LIMCH1: variants seen among roughly 807,000 people sequenced by gnomAD.
The protein encoded by LIMCH1 is LIM and calponin homology domains-containing protein 1.
In LIMCH1, 113 loss-of-function variants were observed where a neutral mutation model predicts 176.5. The observed-to-expected ratio is 0.64, with a 90% CI of 0.55 to 0.75. The LOEUF is 0.75. Ranked by LOEUF, LIMCH1 falls within the 30% of genes least tolerant of loss-of-function variation. The pLI is 0.00. For missense variants in LIMCH1, 1,674 were observed against 1,814.9 expected (o/e 0.92, Z 1.41); for synonymous variants, 619 against 645.9 (o/e 0.96, Z 0.63).
At position 41,697,177 on chromosome 4, in the gene LIMCH1, A is replaced by G. The variant is rs781640316; in HGVS notation, c.4396A>G (p.Thr1466Ala). The change falls in exon 32 of 32, where the codon ACA becomes GCA. Residue 1466 changes from threonine (T) to alanine (A), a missense_variant. Around this residue, in one of 3 missense-constraint regions of LIMCH1, gnomAD observed 1,015 missense variants for 1,102.5 expected, o/e 0.92. Coordinates refer to ENST00000503057, the MANE Select transcript of LIMCH1 (RefSeq NM_001330672.2). Reference protein sequence around the residue: ...MRSRSAGQPTTL With the variant: ...MRSRSAGQPTAL ...AATCACAGGTGCCGGGCAGCCTACAACATTGTGACACGGCTTTCAAGCTTC... is the reference window on the plus strand; with the variant it reads ...AATCACAGGTGCCGGGCAGCCTACAGCATTGTGACACGGCTTTCAAGCTTC... 32 of 1,613,494 alleles carry G rather than the reference A, an allele frequency of 2.0e-5. No homozygotes were observed. The highest frequency in any genetic ancestry group is 2.5e-5 in the Non-Finnish European group (30 of 1,179,650).
At chr4:41,372,788 G>A (rs2054171707) in intron 1 of LIMCH1, among the ~76,000 whole-genome samples, 1 of 152,174 alleles carries the variant, frequency 6.6e-6, no homozygotes, top group Admixed American at 6.5e-5. Flanking sequence ...TTTCATCCAG[G>A]AAACCTACAG....
At chr4:41,546,652 G>A (rs1448330784) in intron 1 of LIMCH1, among the ~76,000 whole-genome samples, 1 of 151,836 alleles carries the variant, frequency 6.6e-6, no homozygotes, top group Non-Finnish European at 1.5e-5. Context: ...GTTCCACTTA[G>A]CATGTTATTC....
intron 1 of LIMCH1, among the ~76,000 whole-genome samples, chr4:41,554,503 T>C (rs2080972225): frequency 6.6e-6 from 1 of 152,200 alleles, no homozygotes; most frequent in East Asian, 1.9e-4. Flanking sequence ...AACCTTCCTC[T>C]AGGTGTGGTC....
chr4:41,671,058 TAAAA>T (rs76648075), intron 21 of LIMCH1: 19 of 612,134 alleles, frequency 3.1e-5, no homozygotes, highest in South Asian at 7.5e-5. Flanking sequence ...CCCCTGCCTT[TAAAA>T]AAAAAAAAAA....
chr4:41,590,922 C>T (rs1168545000), intron 1 of LIMCH1, among the ~76,000 whole-genome samples: 1 of 152,186 alleles, frequency 6.6e-6, no homozygotes, highest in East Asian at 1.9e-4. Context: ...AGGAAATCCC[C>T]AAATTCTATT....
At chr4:41,500,377 C>T (rs747223523) in intron 2 of LIMCH1, among the ~76,000 whole-genome samples, 2 of 152,156 alleles carry the variant, frequency 1.3e-5, no homozygotes, top group African/African-American at 4.8e-5. Flanking sequence ...GCTTTTCTCC[C>T]TCCTCTTTTT....
At position 41,396,165 on chromosome 4, in the gene LIMCH1, A is replaced by AT. The variant is rs566715478; in HGVS notation, c.96+35236dup. ...CTCATAGCCAAGAGAAGGATTTAGG[A>AT]TTTTTTTCCTGTGTGAGTTGCATCC... On this transcript the variant is annotated intron_variant, in intron 1 of 26. Coordinates refer to the LIMCH1 transcript ENST00000313860. Among the ~76,000 whole-genome samples, 47 of 151,992 alleles carry AT rather than the reference A, an allele frequency of 3.1e-4. No homozygotes were observed. In the South Asian group the frequency reaches 7.5e-3, roughly 24 times the overall value.
rs1302786157 is a variant in LIMCH1 at position 41,700,018 on chromosome 4, C to A, written c.*2833C>A. On this transcript the variant is annotated 3_prime_UTR_variant, in exon 32 of 32. Coordinates refer to ENST00000503057, the MANE Select transcript of LIMCH1 (RefSeq NM_001330672.2). ...TGCAACAGCTTTTATAGTAAATGTACATTTATAAATAAAATACTCAAATCA... is the reference window on the plus strand; with the variant it reads ...TGCAACAGCTTTTATAGTAAATGTAAATTTATAAATAAAATACTCAAATCA... 6.6e-6 allele frequency: 1 copy of A among 152,114 alleles called. No homozygotes were observed. Among genetic ancestry groups the A allele is most frequent in the Non-Finnish European group, 1.5e-5 (1 of 68,012 alleles). 9.4% of individuals were successfully genotyped at this position (152,114 alleles called of 1,614,324 possible).
At chr4:41,574,251 TCCCCTCCCCTCCCCTCCCCTCCC>T (rs2084053891) in intron 1 of LIMCH1, among the ~76,000 whole-genome samples, 1 of 1,870 alleles carries the variant, frequency 5.3e-4, no homozygotes, top group Admixed American at 7.2e-3. Flanking sequence ...TCCCCTCCCC[TCCCCTCCCCTCCCCTCCCCTCCC>T]CTCCCCTCCC....
chr4:41,584,469 G>A (rs536173587), intron 1 of LIMCH1, among the ~76,000 whole-genome samples: 1 of 152,138 alleles, frequency 6.6e-6, no homozygotes, highest in South Asian at 2.1e-4. Context: ...GGTGTATGAT[G>A]GAAAAAGGGA....
At chr4:41,624,545 T>C (rs1166374856) in intron 7 of LIMCH1, among the ~76,000 whole-genome samples, 1 of 136,710 alleles carries the variant, frequency 7.3e-6, no homozygotes, top group Non-Finnish European at 1.5e-5. Flanking sequence ...GGTTTTGCCA[T>C]TTTTAAAGGC....
At chr4:41,641,630 T>C (rs1375078960) in intron 14 of LIMCH1, among the ~76,000 whole-genome samples, 1 of 152,238 alleles carries the variant, frequency 6.6e-6, no homozygotes. Flanking sequence ...ATGAAATTCA[T>C]TTATGTTCCA....
intron 2 of LIMCH1, among the ~76,000 whole-genome samples, chr4:41,601,566 A>G (rs534993709): frequency 1.3e-5 from 2 of 152,336 alleles, no homozygotes; most frequent in African/African-American, 4.8e-5. Context: ...GTGTAAGGAC[A>G]TGTGTGGTGG....
intron 1 of LIMCH1, among the ~76,000 whole-genome samples, chr4:41,474,486 C>G (rs776542093): frequency 1.2e-4 from 19 of 152,030 alleles, no homozygotes; most frequent in Non-Finnish European, 2.2e-4. Context: ...GACTCTGTGT[C>G]TCAAAATAAA....
At chr4:41,386,439 TG>T (rs1265383651) in intron 1 of LIMCH1, among the ~76,000 whole-genome samples, 1 of 152,210 alleles carries the variant, frequency 6.6e-6, no homozygotes, top group East Asian at 1.9e-4. Context: ...CAGGAATACA[TG>T]AGTTAATATG....
intron 18 of LIMCH1, among the ~76,000 whole-genome samples, chr4:41,651,070 G>C (rs980160969): frequency 2.0e-5 from 3 of 149,810 alleles, no homozygotes; most frequent in Non-Finnish European, 4.4e-5. Context: ...GTAATGGTGC[G>C]ATCTTGGCTC....
rs116438316 is a variant in LIMCH1, at chr4:41,471,921, C to T, written c.97-22615C>T. Reference sequence around the variant, plus strand: ...TCCCTCTTTAATACCCTACTCTCACCGGACTTGTTTCACTTCTCTTGAACA... The same window carrying T: ...TCCCTCTTTAATACCCTACTCTCACTGGACTTGTTTCACTTCTCTTGAACA... On this transcript the variant is annotated intron_variant, in intron 1 of 26. Coordinates refer to the LIMCH1 transcript ENST00000313860. Among the ~76,000 whole-genome samples the T allele has an allele frequency of 2.8e-3, 424 of 151,608 alleles. 1 individual carries two copies. Among genetic ancestry groups the T allele is most frequent in the Admixed American group, 6.8e-3 (104 of 15,266 alleles).
chr4:41,489,488 A>T (rs1187093733), intron 1 of LIMCH1, among the ~76,000 whole-genome samples: 1 of 152,116 alleles, frequency 6.6e-6, no homozygotes, highest in African/African-American at 2.4e-5. Flanking sequence ...ATATTGTCAT[A>T]TTCTTTCACT....
intron 1 of LIMCH1, among the ~76,000 whole-genome samples, chr4:41,545,630 A>C (rs925083294): frequency 6.6e-6 from 1 of 152,196 alleles, no homozygotes; most frequent in Admixed American, 6.5e-5. Flanking sequence ...ACACTGTTGC[A>C]ACTTGAGTTA....
Sources: allele counts gnomAD v4.1 joint callset (sites outside exome capture counted in the v4.1 genomes callset), GRCh38; gene constraint gnomAD v4.1.1; regional missense constraint gnomAD v4.1.1; transcripts MANE v1.5; gene names NCBI Gene and HGNC (gene_info 2026-07-23, HGNC 2026-07-21).